CEMIP: variants seen among roughly 807,000 people sequenced by gnomAD.
CEMIP encodes cell migration-inducing and hyaluronan-binding protein.
A neutral mutation model predicts 156.9 loss-of-function variants in CEMIP; 105 were observed. The observed-to-expected ratio is 0.67, with a 90% confidence interval of 0.57 to 0.79. CEMIP has a LOEUF of 0.79. Among genes scored for constraint, CEMIP ranks in the 30% least tolerant of loss-of-function variants. The pLI, the probability that CEMIP is intolerant of heterozygous loss-of-function variation, is 0.00. For synonymous variants in CEMIP, 676 were observed against 668.4 expected (o/e 1.01, Z -0.17); for missense variants, 1,457 against 1,769.4 (o/e 0.82, Z 3.17).
At chr15:80,858,815 A>G (rs1897916364) in intron 1 of CEMIP, among the ~76,000 whole-genome samples, 1 of 152,238 alleles carries the variant, frequency 6.6e-6, no homozygotes, top group African/African-American at 2.4e-5. Context: ...TGAATGTCAA[A>G]AACACAATTC....
intron 1 of CEMIP, among the ~76,000 whole-genome samples, chr15:80,809,076 G>A (rs1896589889): frequency 6.6e-6 from 1 of 152,144 alleles, no homozygotes; most frequent in South Asian, 2.1e-4. Context: ...TTCATATAAT[G>A]TCCGTGAAAA....
intron 1 of CEMIP, among the ~76,000 whole-genome samples, chr15:80,866,267 C>G (rs948508221): frequency 6.6e-6 from 1 of 152,144 alleles, no homozygotes; most frequent in Non-Finnish European, 1.5e-5. Flanking sequence ...GGAAATTTCC[C>G]GTATCAATGT....
In CEMIP at chr15:80,783,689, A is replaced by G. The variant is rs74470532; in HGVS notation, c.-176+4075A>G. The stretch of plus-strand genomic sequence containing the variant: ...GTGACTGTCATGGTGACTTTTATTA[A>G]TATCTGCACCTCTTTGCTTTAGCTA... On this transcript the variant is annotated intron_variant, in intron 1 of 29. Transcript: ENST00000394685. Among the ~76,000 whole-genome samples the G allele has an allele frequency of 2.4e-3, 362 of 152,272 alleles. 2 individuals carry two copies. Among genetic ancestry groups the G allele is most frequent in the Non-Finnish European group, 4.1e-3 (279 of 68,012 alleles).
chr15:80,948,149 T>C (rs1236277425), intron 29 of CEMIP: 2 of 158,020 alleles, frequency 1.3e-5, no homozygotes, highest in African/African-American at 4.8e-5. Flanking sequence ...CTAAGTTGAA[T>C]GGCACTTTCC....
chr15:80,841,134 G>T (rs1395923), intron 1 of CEMIP, among the ~76,000 whole-genome samples: 1 of 152,196 alleles, frequency 6.6e-6, no homozygotes, highest in African/African-American at 2.4e-5. Flanking sequence ...TGCCATGTGG[G>T]AATTTGGACC....
At chr15:80,941,705 C>G (rs1008828096) in intron 25 of CEMIP, 144 bp from the exon 26 acceptor site, 7 of 724,768 alleles carry the variant, frequency 9.7e-6, no homozygotes, top group Non-Finnish European at 1.7e-5. Flanking sequence ...CTACATGCAA[C>G]TCGGTGGTAG....
intron 19 of CEMIP, among the ~76,000 whole-genome samples, chr15:80,927,165 T>G (rs1900728661): frequency 6.6e-6 from 1 of 152,058 alleles, no homozygotes; most frequent in South Asian, 2.1e-4. Flanking sequence ...AAAGAAGTCA[T>G]TCATTTTAAG....
intron 1 of CEMIP, among the ~76,000 whole-genome samples, chr15:80,805,122 G>A (rs532605409): frequency 1.6e-4 from 24 of 152,144 alleles, no homozygotes; most frequent in African/African-American, 5.1e-4. Flanking sequence ...CAGGAGAGGC[G>A]GATTTATGCC....
At chr15:80,823,587 C>T (rs1443645957) in intron 1 of CEMIP, among the ~76,000 whole-genome samples, 6 of 152,298 alleles carry the variant, frequency 3.9e-5, no homozygotes, top group East Asian at 1.9e-4. Context: ...AAACCACCCA[C>T]GCCATCACTT....
intron 12 of CEMIP, chr15:80,896,296 A>G (rs1230161490): frequency 3.0e-6 from 2 of 670,142 alleles, no homozygotes; most frequent in Non-Finnish European, 2.7e-6. Context: ...GTTGGGTTCA[A>G]GTCACTTCCA....
rs2092804115 is a variant in CEMIP at position 80,878,980 on chromosome 15, G to A, written c.241+113G>A. ...GACAGAATAAACATCACATGCTTTG[G>A]GTTCATGTTGGCATTTGGTTGTCTG... is the stretch of plus-strand genomic sequence containing the variant. On this transcript the variant is annotated intron_variant, in intron 4 of 29. Coordinates refer to ENST00000394685, the MANE Select transcript of CEMIP (RefSeq NM_001293298.2). The A allele has an allele frequency of 3.7e-6, 5 of 1,349,578 alleles. No individual in the cohort carries two copies. The Admixed American group carries it at 8.5e-5, about 23-fold the overall frequency. 83.6% of individuals were successfully genotyped at this position (1,349,578 alleles called of 1,614,324 possible). A position where few individuals can be genotyped will look rare whatever the true frequency, so the allele number is the denominator to read the frequency against.
At chr15:80,839,100 C>T (rs1051198090) in intron 1 of CEMIP, among the ~76,000 whole-genome samples, 19 of 152,176 alleles carry the variant, frequency 1.2e-4, no homozygotes, top group East Asian at 3.9e-4. Flanking sequence ...TTGAGGTGTT[C>T]GGGGTAGCAG....
In CEMIP at chr15:80,941,966, T is replaced by G. The variant is rs760744765; in HGVS notation, c.3525T>G (p.Ser1175Arg). The G allele has an allele frequency of 1.4e-5, 23 of 1,614,096 alleles. No individual in the cohort carries two copies. The part of the protein sequence containing the change: ...KALIPKNAGV[S>R]DCTATAYPKF... ...TGATTCCAAAGAACGCAGGCGTCAG[T>G]GACTGCACAGCCACAGCTTACCCCA... Residue 1175 changes from serine to arginine, a missense_variant, in exon 26 of 30, where the codon AGT (serine) becomes AGG (arginine). Ser to Arg is a moderately radical substitution (Grantham distance 110). This residue lies in a region of CEMIP where 798 missense variants were observed against 980.1 expected (regional missense o/e 0.81). Transcript: ENST00000394685.
At chr15:80,900,140 GTCCTGACAAGGCAGCTGTGGT>G (rs1899412617) in intron 12 of CEMIP, among the ~76,000 whole-genome samples, 1 of 152,218 alleles carries the variant, frequency 6.6e-6, no homozygotes, top group East Asian at 1.9e-4. Context: ...CTTTGAGCAG[GTCCTGACAAGGCAGCTGTGGT>G]GCCGAGGGTG....
chr15:80,873,026 G>A (rs1285308229), intron 1 of CEMIP, among the ~76,000 whole-genome samples: 1 of 152,172 alleles, frequency 6.6e-6, no homozygotes, highest in East Asian at 1.9e-4. Context: ...CAGCTAGCAG[G>A]AAGGAGAAGG....
chr15:80,851,291 A>C (rs1897709423), intron 1 of CEMIP, among the ~76,000 whole-genome samples: 12 of 152,224 alleles, frequency 7.9e-5, no homozygotes, highest in Admixed American at 7.9e-4. Context: ...TTGGCTAACA[A>C]ATCTAATCCC....
chr15:80,882,925 C>T (rs1005916423), intron 6 of CEMIP, among the ~76,000 whole-genome samples: 1 of 151,960 alleles, frequency 6.6e-6, no homozygotes, highest in Non-Finnish European at 1.5e-5. Context: ...CAGGAGTGGG[C>T]GGGTGAGGTG....
chr15:80,874,336 G>A (rs1042392630), intron 3 of CEMIP, among the ~76,000 whole-genome samples: 1 of 152,226 alleles, frequency 6.6e-6, no homozygotes, highest in East Asian at 1.9e-4. Context: ...TCGCTACTGC[G>A]GGAAGGTGGA....
rs372572296 is a variant in CEMIP at position 80,822,633 on chromosome 15, C to G, written c.-176+43019C>G. ...AGCTCTGATCTGACATTAGCAGTGTCAATACCACATTGAAAACAGTGGCTT... is the reference window on the plus strand; with the variant it reads ...AGCTCTGATCTGACATTAGCAGTGTGAATACCACATTGAAAACAGTGGCTT... On this transcript the variant is annotated intron_variant, in intron 1 of 29. Coordinates refer to ENST00000394685, the MANE Select transcript of CEMIP (RefSeq NM_001293298.2). 4.6e-5 allele frequency among the ~76,000 whole-genome samples: 7 copies of G among 152,214 alleles called. No individual in the cohort carries two copies. In the South Asian group the frequency reaches 1.4e-3, roughly 32 times the overall value.
Sources: gnomAD v4.1 joint callset for allele counts (sites outside exome capture counted in the v4.1 genomes callset) on GRCh38, gnomAD v4.1.1 for gene constraint, gnomAD v4.1.1 regional missense constraint, MANE v1.5 for transcripts, NCBI Gene and HGNC (gene_info 2026-07-23, HGNC 2026-07-21) for gene names.